ZNF407: variants seen among roughly 807,000 people sequenced by gnomAD.
ZNF407 encodes zinc finger protein 407.
A neutral mutation model predicts 131.2 loss-of-function variants in ZNF407; 17 were observed. The observed-to-expected ratio is 0.13, with a 90% CI of 0.09 to 0.19. ZNF407 has a LOEUF of 0.19. Ranked by LOEUF, ZNF407 falls within the 10% of genes least tolerant of loss-of-function variation. ZNF407 has a pLI of 1.00. For missense variants in ZNF407, 2,681 were observed against 2,830.6 expected, an observed-to-expected ratio of 0.95 and a Z score of 1.20; for synonymous variants, 1,156 against 1,062.0, an observed-to-expected ratio of 1.09 and a Z score of -1.72.
At chr18:74,751,408 A>T (rs2144945028) in intron 3 of ZNF407, among the ~76,000 whole-genome samples, 1 of 152,204 alleles carries the variant, frequency 6.6e-6, no homozygotes, top group East Asian at 1.9e-4. Flanking sequence ...GTTCTAGGGT[A>T]CATGTGCACA....
intron 7 of ZNF407, chr18:74,906,034 C>A (rs1971590680): frequency 6.5e-6 from 1 of 153,056 alleles, no homozygotes; most frequent in African/African-American, 2.4e-5. Context: ...CTGACATTTA[C>A]CAGTTTTGTA....
At chr18:74,654,668 A>G (rs532590568) in intron 3 of ZNF407, among the ~76,000 whole-genome samples, 73 of 152,014 alleles carry the variant, frequency 4.8e-4, no homozygotes, top group Non-Finnish European at 9.1e-4. Context: ...AAACTACTAC[A>G]TAATATATCT....
chr18:74,808,310 G>A (rs527943037), intron 4 of ZNF407, among the ~76,000 whole-genome samples: 69 of 152,198 alleles, frequency 4.5e-4, no homozygotes, highest in South Asian at 1.5e-3. Context: ...CACCACGCCC[G>A]GCCAGCACTT....
chr18:74,817,763 G>T (rs1970287182), intron 4 of ZNF407, among the ~76,000 whole-genome samples: 1 of 152,192 alleles, frequency 6.6e-6, no homozygotes, highest in African/African-American at 2.4e-5. Flanking sequence ...GAAGTTATGT[G>T]CAGGGCTTAT....
At chr18:74,720,063 T>TGAA (rs756165764) in intron 3 of ZNF407, among the ~76,000 whole-genome samples, 207 of 152,316 alleles carry the variant, frequency 1.4e-3, no homozygotes, top group African/African-American at 2.1e-3. Flanking sequence ...ATTTTTTTTT[T>TGAA]GAAGAAGAAG....
chr18:74,759,994 A>G (rs1041026293), intron 3 of ZNF407, among the ~76,000 whole-genome samples: 6 of 151,278 alleles, frequency 4.0e-5, no homozygotes, highest in South Asian at 2.1e-4. Context: ...ATATATATAT[A>G]TATGTATGTA....
chr18:74,679,823 A>G (rs551690136), intron 3 of ZNF407, among the ~76,000 whole-genome samples: 105 of 152,266 alleles, frequency 6.9e-4, no homozygotes, highest in Non-Finnish European at 4.4e-5. Flanking sequence ...CTAACCCCAC[A>G]GTTGTCTGTT....
chr18:74,934,018 C>A (rs1198703099), intron 8 of ZNF407, among the ~76,000 whole-genome samples: 1 of 151,936 alleles, frequency 6.6e-6, no homozygotes, highest in Non-Finnish European at 1.5e-5. Context: ...ACTGTAGGCC[C>A]CAACTAGATA....
intron 3 of ZNF407, 111 bp downstream of exon 3, chr18:74,641,233 C>A: frequency 1.4e-6 from 1 of 726,498 alleles, no homozygotes; most frequent in Non-Finnish European, 2.5e-6. Context: ...ATTATGCATG[C>A]GTACCCTCCT....
chr18:75,015,993 A>G (rs1413403379), intron 8 of ZNF407, among the ~76,000 whole-genome samples: 2 of 152,224 alleles, frequency 1.3e-5, no homozygotes, highest in Admixed American at 1.3e-4. Flanking sequence ...TAGATGACAA[A>G]AAAAGCCTTT....
At chr18:74,925,297 C>T (rs1282481666) in intron 8 of ZNF407, among the ~76,000 whole-genome samples, 1 of 152,128 alleles carries the variant, frequency 6.6e-6, no homozygotes, top group Admixed American at 6.5e-5. Context: ...GTATTCTTCT[C>T]TAAGATAAGC....
chr18:74,631,633 C>G lies in ZNF407; in HGVS notation c.614C>G (p.Ala205Gly), dbSNP rs1425534588. ...FSSCSDLEKH[A>G]ESHMQQPKEH... is the part of the protein sequence containing the mutation. ...TCTTGCTCTGACTTGGAAAAACATG[C>G]TGAGTCTCACATGCAGCAGCCTAAG... is the stretch of plus-strand genomic sequence containing the variant. Residue 205 changes from alanine (A) to glycine (G), a missense_variant, in exon 2 of 9, where the codon GCT (alanine) becomes GGT (glycine). By Grantham distance (60) the Ala-to-Gly change is moderately conservative. Transcript: ENST00000299687. The G allele has an allele frequency of 6.2e-7, 1 of 1,613,934 alleles. No individual in the cohort carries two copies. The highest frequency in any genetic ancestry group is 8.5e-7 in the Non-Finnish European group (1 of 1,179,886).
At chr18:74,709,322 A>G (rs564867536) in intron 3 of ZNF407, among the ~76,000 whole-genome samples, 2 of 152,214 alleles carry the variant, frequency 1.3e-5, no homozygotes, top group Non-Finnish European at 2.9e-5. Context: ...ACACTTTTCT[A>G]GAACTTATCT....
intron 3 of ZNF407, among the ~76,000 whole-genome samples, chr18:74,694,887 A>T (rs781332808): frequency 6.6e-6 from 1 of 152,156 alleles, no homozygotes; most frequent in Non-Finnish European, 1.5e-5. Flanking sequence ...AAAGTATTTT[A>T]TCATACTATA....
chr18:74,746,568 T>A (rs1968673044), intron 3 of ZNF407, among the ~76,000 whole-genome samples: 1 of 152,144 alleles, frequency 6.6e-6, no homozygotes, highest in African/African-American at 2.4e-5. Context: ...ATTGTTTTAC[T>A]TTTAAAACTT....
intron 3 of ZNF407, among the ~76,000 whole-genome samples, chr18:74,778,284 C>T (rs1013580324): frequency 7.2e-5 from 11 of 152,164 alleles, no homozygotes; most frequent in African/African-American, 2.4e-4. Flanking sequence ...CTTCAGAGGT[C>T]TGTGGTTGTG....
intron 8 of ZNF407, among the ~76,000 whole-genome samples, chr18:74,929,472 T>A (rs1971956644): frequency 1.3e-5 from 2 of 152,096 alleles, no homozygotes; most frequent in South Asian, 4.2e-4. Context: ...AGGGAAAAAA[T>A]TGATTGTGAA....
intron 3 of ZNF407, among the ~76,000 whole-genome samples, chr18:74,746,219 A>G (rs562263454): frequency 5.9e-5 from 9 of 152,158 alleles, no homozygotes; most frequent in Non-Finnish European, 1.2e-4. Context: ...GTATCTGTGC[A>G]GGGCACTGAA....
At chr18:74,713,169 C>A (rs1967806624) in intron 3 of ZNF407, among the ~76,000 whole-genome samples, 1 of 152,048 alleles carries the variant, frequency 6.6e-6, no homozygotes, top group African/African-American at 2.4e-5. Flanking sequence ...TGTTAAATTC[C>A]CTGTCTCATG....
Sources: allele counts gnomAD v4.1 joint callset (sites outside exome capture counted in the v4.1 genomes callset), GRCh38; gene constraint gnomAD v4.1.1; transcripts MANE v1.5; gene names NCBI Gene and HGNC (gene_info 2026-07-23, HGNC 2026-07-21).